The following CAMTA1 variants were observed in gnomAD, a reference collection of about 807,000 sequenced individuals.
CAMTA1 encodes the protein calmodulin-binding transcription activator 1.
CAMTA1 carries 27 observed loss-of-function variants against 170.9 expected under a neutral mutation model. The ratio of observed to expected loss-of-function variants is 0.16; its 90% CI spans 0.12 to 0.22. CAMTA1 has a LOEUF of 0.22. CAMTA1 is among the 10% of genes least tolerant of loss of function. The pLI is 1.00. For synonymous variants in CAMTA1, 833 were observed against 891.5 expected (o/e 0.93, Z 1.17); for missense variants, 1,619 against 2,217.2 (o/e 0.73, Z 5.42).
chr1:7,341,242 G>A (rs2083804832), intron 5 of CAMTA1, among the ~76,000 whole-genome samples: 1 of 152,226 alleles, frequency 6.6e-6, no homozygotes, highest in African/African-American at 2.4e-5. Context: ...ATAGGAAAGA[G>A]CTCCTTCCCA....
At chr1:7,480,574 C>T (rs374437428) in intron 6 of CAMTA1, among the ~76,000 whole-genome samples, 3 of 152,196 alleles carry the variant, frequency 2.0e-5, no homozygotes, top group African/African-American at 4.8e-5. Context: ...GGTCACTGTG[C>T]CATCGTCATG....
intron 6 of CAMTA1, among the ~76,000 whole-genome samples, chr1:7,613,658 A>G (rs2095538567): frequency 6.6e-6 from 1 of 151,942 alleles, no homozygotes; most frequent in South Asian, 2.1e-4. Context: ...GGGCACAGGA[A>G]AGCTCGTGAT....
intron 3 of CAMTA1, among the ~76,000 whole-genome samples, chr1:6,865,234 G>A (rs566141843): frequency 6.6e-6 from 1 of 152,296 alleles, no homozygotes; most frequent in Admixed American, 6.5e-5. Context: ...TTTTAAATCT[G>A]TCACATAAGG....
chr1:7,339,304 T>A (rs1239174087), intron 5 of CAMTA1, among the ~76,000 whole-genome samples: 1 of 148,714 alleles, frequency 6.7e-6, no homozygotes, highest in Non-Finnish European at 1.5e-5. Context: ...TCAATAAAGC[T>A]GTTTAAAGAA....
In CAMTA1 at chr1:7,439,312, G is replaced by T. The variant is rs1024365872; in HGVS notation, c.439-28518G>T. Among the ~76,000 whole-genome samples, 6 of 152,290 alleles carry T rather than the reference G, an allele frequency of 3.9e-5. No individual in the cohort carries two copies. In the South Asian group the frequency reaches 6.2e-4, roughly 16 times the overall value. ...CCTGGACCACACTGAGCCATCGTTG[G>T]CTGCGACTCTGATGTTCTTCGTTGT... On this transcript the variant is annotated intron_variant, in intron 5 of 22. Transcript: ENST00000303635.
In CAMTA1 at chr1:7,634,303, C is replaced by T. The variant is rs926347716; in HGVS notation, c.511-6097C>T. On this transcript the variant is annotated intron_variant, in intron 6 of 22. Coordinates refer to ENST00000303635, the MANE Select transcript of CAMTA1 (RefSeq NM_015215.4). This position sits in a 1 kb window ranked among gnomAD's most constrained non-coding sequence, Gnocchi z 6.2. The stretch of plus-strand genomic sequence containing the variant: ...TGGCAGAACTGGGTGATCGACTGGC[C>T]GTTGAGGGAGAGGGAGGGAAAATGA... Among the ~76,000 whole-genome samples the T allele has an allele frequency of 1.1e-4, 17 of 152,078 alleles. No individual in the cohort carries two copies. Among genetic ancestry groups the T allele is most frequent in the Non-Finnish European group, 2.2e-4 (15 of 68,006 alleles).
At chr1:6,871,897 A>G in intron 3 of CAMTA1, 1 of 1,398,194 alleles carries the variant, frequency 7.2e-7, no homozygotes, top group East Asian at 2.8e-5. Context: ...TACAAGCTGT[A>G]ACATTTCATC....
intron 4 of CAMTA1, among the ~76,000 whole-genome samples, chr1:7,102,935 A>C (rs1642915500): frequency 6.6e-6 from 1 of 152,100 alleles, no homozygotes; most frequent in Admixed American, 6.5e-5. Context: ...ATACCTTCCG[A>C]CTGCTTCCTG....
At chr1:7,394,401 A>G (rs2089062150) in intron 5 of CAMTA1, among the ~76,000 whole-genome samples, 1 of 152,152 alleles carries the variant, frequency 6.6e-6, no homozygotes, top group African/African-American at 2.4e-5. Context: ...GTAAGGTGAT[A>G]TCTCATTGTG....
At chr1:7,712,349 C>G (rs1466612703) in intron 11 of CAMTA1, among the ~76,000 whole-genome samples, 1 of 151,396 alleles carries the variant, frequency 6.6e-6, no homozygotes, top group Non-Finnish European at 1.5e-5. Context: ...GAGACAGGGT[C>G]TGACTCTGAT....
intron 6 of CAMTA1, among the ~76,000 whole-genome samples, chr1:7,511,059 C>T (rs969961707): frequency 4.1e-5 from 6 of 145,740 alleles, no homozygotes; most frequent in Admixed American, 3.4e-4. Flanking sequence ...TTGCCCGAGG[C>T]ATTCTTTCCA....
intron 11 of CAMTA1, chr1:7,694,347 G>A (rs190415595): frequency 1.8e-4 from 28 of 152,274 alleles, no homozygotes; most frequent in Admixed American, 9.8e-4. Flanking sequence ...ATACTTTGTC[G>A]TCTGCAGAAA....
intron 6 of CAMTA1, among the ~76,000 whole-genome samples, chr1:7,605,706 G>A (rs1159277425): frequency 2.0e-5 from 3 of 152,164 alleles, no homozygotes; most frequent in Non-Finnish European, 4.4e-5. Flanking sequence ...CCCACTTTCC[G>A]ACACTCCCTA....
intron 3 of CAMTA1, among the ~76,000 whole-genome samples, chr1:6,876,303 C>G (rs934597135): frequency 6.6e-6 from 1 of 152,020 alleles, no homozygotes; most frequent in Non-Finnish European, 1.5e-5. Context: ...CCCTGAAATC[C>G]TTCAGGTGCC....
chr1:7,056,284 T>C (rs1707306636), intron 3 of CAMTA1, among the ~76,000 whole-genome samples: 1 of 152,182 alleles, frequency 6.6e-6, no homozygotes, highest in Admixed American at 6.5e-5. Context: ...TTTTGATGTT[T>C]CCTTGGTGGT....
chr1:7,403,856 A>G (rs1158519084), intron 5 of CAMTA1, among the ~76,000 whole-genome samples: 1 of 152,136 alleles, frequency 6.6e-6, no homozygotes, highest in Non-Finnish European at 1.5e-5. Context: ...TACCAGGACT[A>G]GTCATTTTAC....
chr1:7,464,605 G>T (rs1186428171), intron 5 of CAMTA1, among the ~76,000 whole-genome samples: 1 of 152,134 alleles, frequency 6.6e-6, no homozygotes, highest in East Asian at 1.9e-4. Flanking sequence ...GTGAATGGAA[G>T]GGGAGAGGGA....
chr1:7,052,073 T>A (rs1288230904), intron 3 of CAMTA1, among the ~76,000 whole-genome samples: 1 of 5,884 alleles, frequency 1.7e-4, no homozygotes, highest in Non-Finnish European at 3.0e-4. Context: ...GGCCTTGGCA[T>A]GGGGCGGGGG....
chr1:6,872,839 C>T (rs7529829), intron 3 of CAMTA1, among the ~76,000 whole-genome samples: 18,480 of 152,206 alleles, frequency 0.12, 1,681 homozygotes, highest in Admixed American at 0.28. Context: ...TTAAGTGTCT[C>T]ATTATTTTAT....
Sources: allele counts gnomAD v4.1 joint callset (sites outside exome capture counted in the v4.1 genomes callset), GRCh38; gene constraint gnomAD v4.1.1; non-coding constraint Gnocchi (gnomAD v3.1); transcripts MANE v1.5; gene names NCBI Gene and HGNC (gene_info 2026-07-23, HGNC 2026-07-21).